The following ELAPOR2 variants were observed in gnomAD, a reference collection of about 807,000 sequenced individuals.
ELAPOR2 encodes the protein endosome-lysosome associated apoptosis and autophagy regulator family member 2, also known as endosome/lysosome-associated apoptosis and autophagy regulator family member 2.
Under a neutral mutation model 120.7 loss-of-function variants are expected in ELAPOR2, and 89 were observed. The ratio of observed to expected loss-of-function variants is 0.74; its 90% CI spans 0.62 to 0.88. The LOEUF is 0.88. ELAPOR2 is among the 40% of genes least tolerant of loss of function. The pLI is 0.00. For synonymous variants in ELAPOR2, 444 were observed against 444.9 expected, an observed-to-expected ratio of 1.00 and a Z score of 0.03; for missense variants, 1,134 against 1,251.6, an observed-to-expected ratio of 0.91 and a Z score of 1.42.
At position 86,878,258 on chromosome 7, in the gene ELAPOR2, C is replaced by T. The variant is rs1329466509; in HGVS notation, c.*2213G>A. On this transcript the variant is annotated 3_prime_UTR_variant, in exon 22 of 22. Transcript: ENST00000450689. ...AGCCAGGATTGGTCTAAATATTTTCCCCATAATATTCTTTCTGTCATACTT... is the reference window on the plus strand; with the variant it reads ...AGCCAGGATTGGTCTAAATATTTTCTCCATAATATTCTTTCTGTCATACTT... The T allele has an allele frequency of 6.6e-6, 1 of 152,022 alleles. No homozygotes were observed. 9.4% of individuals were successfully genotyped at this position (152,022 alleles called of 1,614,324 possible).
intron 18 of ELAPOR2, among the ~76,000 whole-genome samples, chr7:86,901,574 A>T (rs1041172635): frequency 6.6e-6 from 1 of 152,218 alleles, no homozygotes; most frequent in African/African-American, 2.4e-5. Flanking sequence ...AGAAAATACA[A>T]AGGTTAAAAT....
At position 87,016,147 on chromosome 7, in the gene ELAPOR2, T is replaced by C. The variant is rs375977844; in HGVS notation, c.189+43178A>G. ...ATCTTCAAGACAGAGAAATGGGTCATCATTTCTCAAAGACTTTTATAAATG... is the reference window on the plus strand; with the variant it reads ...ATCTTCAAGACAGAGAAATGGGTCACCATTTCTCAAAGACTTTTATAAATG... On this transcript the variant is annotated intron_variant, in intron 1 of 21. Coordinates refer to ENST00000450689, the MANE Select transcript of ELAPOR2 (RefSeq NM_001142749.3). Among the ~76,000 whole-genome samples the C allele has an allele frequency of 1.1e-3, 163 of 152,332 alleles. 1 individual carries two copies. The highest frequency in any genetic ancestry group is 3.8e-3 in the African/African-American group (156 of 41,586).
intron 1 of ELAPOR2, among the ~76,000 whole-genome samples, chr7:86,993,009 G>A (rs550011112): frequency 2.6e-5 from 4 of 152,040 alleles, no homozygotes; most frequent in African/African-American, 4.8e-5. Flanking sequence ...AGGCCGAGGC[G>A]GGTGGATCAC....
chr7:86,887,292 T>C (rs1228803396), intron 21 of ELAPOR2, among the ~76,000 whole-genome samples: 1 of 152,058 alleles, frequency 6.6e-6, no homozygotes, highest in Non-Finnish European at 1.5e-5. Flanking sequence ...TCCCCCAACA[T>C]GGCAAAGCAT....
chr7:87,036,579 A>G (rs1794595402), intron 1 of ELAPOR2, among the ~76,000 whole-genome samples: 1 of 152,236 alleles, frequency 6.6e-6, no homozygotes, highest in Admixed American at 6.5e-5. Flanking sequence ...TGGTACATAT[A>G]CCCCATGGAA....
At chr7:87,039,192 A>G (rs887706242) in intron 1 of ELAPOR2, among the ~76,000 whole-genome samples, 7 of 152,168 alleles carry the variant, frequency 4.6e-5, no homozygotes, top group African/African-American at 1.7e-4. Flanking sequence ...AGACTCATAC[A>G]ACCTACCGAG....
At chr7:86,936,544 C>G (rs1462873229) in intron 8 of ELAPOR2, among the ~76,000 whole-genome samples, 1 of 152,040 alleles carries the variant, frequency 6.6e-6, no homozygotes, top group Non-Finnish European at 1.5e-5. Context: ...TGTCTTAAAT[C>G]ACTTTTCTTA....
intron 19 of ELAPOR2, among the ~76,000 whole-genome samples, 160 bp from the exon 20 acceptor site, chr7:86,893,260 A>G (rs1014822282): frequency 6.6e-6 from 1 of 152,020 alleles, no homozygotes; most frequent in Non-Finnish European, 1.5e-5. Flanking sequence ...TTCAGCATTC[A>G]TTTAATAAAA....
At chr7:87,020,238 G>A (rs931417222) in intron 1 of ELAPOR2, among the ~76,000 whole-genome samples, 2 of 152,016 alleles carry the variant, frequency 1.3e-5, no homozygotes, top group Non-Finnish European at 2.9e-5. Context: ...TAAATTTGAA[G>A]TAATTGTAAT....
At position 86,885,476 on chromosome 7, in the gene ELAPOR2, T is replaced by TTC. The variant is rs575319620; in HGVS notation, c.3031-4948_3031-4947dup. ...CAAACATCTTGTCTACTGTCAAAGA[T>TTC]TCTCTCTCTCTTCAGTCTTAATGCC... On this transcript the variant is annotated intron_variant, in intron 21 of 21. Transcript: ENST00000450689. Among the ~76,000 whole-genome samples the TTC allele has an allele frequency of 7.5e-4, 114 of 152,236 alleles. 1 individual carries two copies. Among genetic ancestry groups the TTC allele is most frequent in the African/African-American group, 2.5e-3 (104 of 41,560 alleles).
intron 1 of ELAPOR2, among the ~76,000 whole-genome samples, chr7:87,034,496 TA>T (rs200881813): frequency 2.7e-5 from 4 of 150,814 alleles, no homozygotes; most frequent in Non-Finnish European, 3.0e-5. Flanking sequence ...ATGAGATCAT[TA>T]AAAAAAAACC....
chr7:86,937,537 T>C (rs1418848856), intron 8 of ELAPOR2, among the ~76,000 whole-genome samples: 2 of 152,130 alleles, frequency 1.3e-5, no homozygotes, highest in South Asian at 4.1e-4. Flanking sequence ...TGTGTGCATT[T>C]TTCCTCTGGC....
At chr7:86,976,642 G>C (rs779456206) in intron 1 of ELAPOR2, among the ~76,000 whole-genome samples, 4 of 152,084 alleles carry the variant, frequency 2.6e-5, no homozygotes, top group Non-Finnish European at 4.4e-5. Flanking sequence ...ACATAAAAGG[G>C]AGAAAAAACA....
chr7:86,970,269 T>G (rs1015972128), intron 1 of ELAPOR2, among the ~76,000 whole-genome samples: 1 of 152,176 alleles, frequency 6.6e-6, no homozygotes, highest in African/African-American at 2.4e-5. Flanking sequence ...AGCCTCTATC[T>G]TCAAAGCAGA....
At position 86,879,779 on chromosome 7, in the gene ELAPOR2, T is replaced by C. The variant is rs1799313185; in HGVS notation, c.*692A>G. The C allele has an allele frequency of 6.6e-6, 1 of 152,236 alleles. No individual in the cohort carries two copies. The highest frequency in any genetic ancestry group is 1.5e-5 in the Non-Finnish European group (1 of 68,044). 9.4% of individuals were successfully genotyped at this position (152,236 alleles called of 1,614,324 possible). ...GCTTCTCGTTACCTTTCTTACTTTT[T>C]TGTTTTTTAGATTCCTTCAAACTTT... On this transcript the variant is annotated 3_prime_UTR_variant, in exon 22 of 22. Coordinates refer to ENST00000450689, the MANE Select transcript of ELAPOR2 (RefSeq NM_001142749.3).
chr7:87,014,164 G>C (rs192517584), intron 1 of ELAPOR2, among the ~76,000 whole-genome samples: 17 of 151,630 alleles, frequency 1.1e-4, no homozygotes, highest in Admixed American at 1.1e-3. Flanking sequence ...TATGAGTTAC[G>C]GTGCTGTTGG....
At chr7:87,025,221 C>T (rs1794204987) in intron 1 of ELAPOR2, among the ~76,000 whole-genome samples, 1 of 152,026 alleles carries the variant, frequency 6.6e-6, no homozygotes. Flanking sequence ...ATTCACCAAG[C>T]CCTCTTGTTG....
At chr7:87,039,335 G>A (rs1212033758) in intron 1 of ELAPOR2, among the ~76,000 whole-genome samples, 1 of 152,106 alleles carries the variant, frequency 6.6e-6, no homozygotes, top group Non-Finnish European at 1.5e-5. Context: ...AACATTTCAA[G>A]AAGAACTAAT....
At chr7:87,047,499 T>C (rs1048272313) in intron 1 of ELAPOR2, among the ~76,000 whole-genome samples, 2 of 152,116 alleles carry the variant, frequency 1.3e-5, no homozygotes, top group African/African-American at 4.8e-5. Context: ...TCTAATAATC[T>C]AGTCAAAAAA....
Sources: allele counts gnomAD v4.1 joint callset (sites outside exome capture counted in the v4.1 genomes callset), GRCh38; gene constraint gnomAD v4.1.1; transcripts MANE v1.5; gene names NCBI Gene and HGNC (gene_info 2026-07-23, HGNC 2026-07-21).